The following RANGAP1 variants were observed in gnomAD, a reference collection of about 807,000 sequenced individuals.
RANGAP1 encodes the protein ran GTPase-activating protein 1.
RANGAP1 carries 38 observed loss-of-function variants against 63.5 expected under a neutral mutation model. That is an observed-to-expected ratio of 0.60 (90% CI 0.46 to 0.78). The LOEUF is 0.78. Ranked by LOEUF, RANGAP1 falls within the 30% of genes least tolerant of loss-of-function variation. The pLI is 0.00. For missense variants in RANGAP1, 630 were observed against 740.3 expected (o/e 0.85, Z 1.73); for synonymous variants, 329 against 310.5 (o/e 1.06, Z -0.63).
intron 13 of RANGAP1, 47 bp downstream of exon 13, chr22:41,250,960 A>G (rs2033402812): frequency 1.3e-6 from 2 of 1,485,766 alleles, no homozygotes; most frequent in African/African-American, 2.8e-5. Flanking sequence ...GGGGCCCACG[A>G]GCATCAAGGG....
chr22:41,264,133 G>A (rs1456570693), intron 5 of RANGAP1, among the ~76,000 whole-genome samples: 1 of 152,250 alleles, frequency 6.6e-6, no homozygotes, highest in African/African-American at 2.4e-5. Context: ...AGTTGGAAGA[G>A]AATAATACGG....
intron 15 of RANGAP1, among the ~76,000 whole-genome samples, chr22:41,247,001 T>A (rs1038700019): frequency 6.6e-6 from 1 of 152,192 alleles, no homozygotes; most frequent in Non-Finnish European, 1.5e-5. Context: ...TAGAGTCCAA[T>A]CTGGATCATA....
In RANGAP1 at chr22:41,244,996, T is replaced by C. The variant is rs1332947316; in HGVS notation, c.*1607A>G. Among the ~76,000 whole-genome samples, 2 of 152,204 alleles carry C rather than the reference T, an allele frequency of 1.3e-5. No homozygotes were observed. The highest frequency in any genetic ancestry group is 1.5e-5 in the Non-Finnish European group (1 of 68,046). On this transcript the variant is annotated 3_prime_UTR_variant, in exon 16 of 16. Coordinates refer to ENST00000356244, the MANE Select transcript of RANGAP1 (RefSeq NM_002883.4). ...TAGATGCCTCATCTAAATGGAATCATATTTGTCCTTTTGTGTCTGGCTTAT... is the reference window on the plus strand; with the variant it reads ...TAGATGCCTCATCTAAATGGAATCACATTTGTCCTTTTGTGTCTGGCTTAT...
intron 3 of RANGAP1, among the ~76,000 whole-genome samples, chr22:41,270,531 T>A (rs1402647511): frequency 6.6e-6 from 1 of 152,162 alleles, no homozygotes; most frequent in Non-Finnish European, 1.5e-5. Context: ...CACTGCAGCC[T>A]CGACCTCCCA....
intron 3 of RANGAP1, among the ~76,000 whole-genome samples, chr22:41,270,995 C>G (rs2034784206): frequency 6.6e-6 from 1 of 152,168 alleles, no homozygotes; most frequent in Non-Finnish European, 1.5e-5. Context: ...CCTGATTTAG[C>G]TGACTCCAGC....
chr22:41,299,818 C>T, the RANGAP1 span, among the ~76,000 whole-genome samples: 1 of 151,814 alleles, frequency 6.6e-6, no homozygotes, highest in Non-Finnish European at 1.5e-5. Flanking sequence ...GTGGCATGAT[C>T]CCGGCTCACT....
rs867663309 is a variant in RANGAP1, at chr22:41,266,195, C to G, written c.301-1352G>C. On this transcript the variant is annotated intron_variant, in intron 4 of 15. Transcript: ENST00000356244. Reference sequence around the variant, plus strand: ...CCAGCCTGGGAAACAGAGTGAGACTCCGCCTCAAAAAAAAAAAAAAAGCCT... The same window carrying G: ...CCAGCCTGGGAAACAGAGTGAGACTGCGCCTCAAAAAAAAAAAAAAAGCCT... Among the ~76,000 whole-genome samples, 14 of 137,932 alleles carry G rather than the reference C, an allele frequency of 1.0e-4. No individual in the cohort carries two copies. In the South Asian group the frequency reaches 1.8e-3, roughly 17 times the overall value. 90.5% of individuals were successfully genotyped at this position (137,932 alleles called of 152,430 possible).
upstream of RANGAP1, among the ~76,000 whole-genome samples, chr22:41,290,525 G>A (rs1236998066): frequency 6.6e-6 from 1 of 152,066 alleles, no homozygotes; most frequent in African/African-American, 2.4e-5. Context: ...CACCATTTCC[G>A]GCCTTCTAGG....
chr22:41,267,067 CG>C (rs1569193960), intron 4 of RANGAP1, among the ~76,000 whole-genome samples: 1 of 151,386 alleles, frequency 6.6e-6, no homozygotes, highest in African/African-American at 2.4e-5. Flanking sequence ...TTTAGTAAGA[CG>C]GGGTTTTGCC....
chr22:41,248,742 T>G (rs2033224813), intron 15 of RANGAP1, among the ~76,000 whole-genome samples: 1 of 152,174 alleles, frequency 6.6e-6, no homozygotes. Flanking sequence ...GCCTTGCCTC[T>G]CTTACTTGAC....
rs150706242 is a variant in RANGAP1 at position 41,258,006 on chromosome 22, C to T, written c.716G>A (p.Arg239Gln). The change falls in exon 7 of 16, where the codon CGG (arginine) becomes CAG (glutamine). Residue 239 changes from arginine (R) to glutamine (Q), a missense_variant. Arg to Gln is a conservative substitution (Grantham distance 43, BLOSUM62 1). Coordinates refer to ENST00000356244, the MANE Select transcript of RANGAP1 (RefSeq NM_002883.4). ...GGTGTTGTCATTCAGGTTGATGACC[C>T]GCAGCAGGGGGTTGACAGCGAAAGC... ...AQAFAVNPLL[R>Q]VINLNDNTFT... 2.6e-5 allele frequency: 42 copies of T among 1,613,222 alleles called. No individual in the cohort carries two copies. The highest frequency in any genetic ancestry group is 3.3e-4 in the Middle Eastern group (2 of 6,076).
chr22:41,256,773 C>G lies in RANGAP1; in HGVS notation c.826G>C (p.Val276Leu), dbSNP rs773762704. 1.9e-6 allele frequency: 3 copies of G among 1,614,004 alleles called. No homozygotes were observed. Among genetic ancestry groups the G allele is most frequent in the South Asian group, 1.1e-5 (1 of 91,092 alleles). ...VEVINFGDCL[V>L]RSKGAVAIAD... ...ATGGCAACTGCACCCTTGGAGCGCA[C>G]CAGGCAGTCCCCAAAATTAATCACC... is the stretch of plus-strand genomic sequence containing the variant. The change falls in exon 8 of 16, where the codon GTG becomes CTG. Residue 276 changes from valine to leucine, a missense_variant. This residue lies in a region of RANGAP1 where 428 missense variants were observed against 465.5 expected (regional missense o/e 0.92). Transcript: ENST00000356244.
intron 1 of RANGAP1, chr22:41,281,548 G>C: frequency 1.0e-6 from 1 of 988,994 alleles, no homozygotes; most frequent in Non-Finnish European, 1.2e-6. Context: ...TCATCCCAGA[G>C]AATGCCCCAC....
At chr22:41,258,608 C>G (rs901509507) in intron 6 of RANGAP1, among the ~76,000 whole-genome samples, 14 of 152,180 alleles carry the variant, frequency 9.2e-5, no homozygotes, top group Admixed American at 6.5e-4. Context: ...ACAGCCTGGC[C>G]TTTTGATACC....
intron 2 of RANGAP1, among the ~76,000 whole-genome samples, chr22:41,275,382 C>T (rs573506052): frequency 3.3e-5 from 5 of 151,856 alleles, no homozygotes; most frequent in Non-Finnish European, 7.4e-5. Context: ...ATCCCAGCTA[C>T]TCGGGAGGCT....
rs370593929 is a variant in RANGAP1 at position 41,266,017 on chromosome 22, A to T, written c.301-1174T>A. On this transcript the variant is annotated intron_variant, in intron 4 of 15. Coordinates refer to ENST00000356244, the MANE Select transcript of RANGAP1 (RefSeq NM_002883.4). The stretch of plus-strand genomic sequence containing the variant: ...GGAGATCGAGACCATCCTGGCTAAC[A>T]CAGTGAAACCCCATCTCTACTAAAA... Among the ~76,000 whole-genome samples the T allele has an allele frequency of 3.5e-4, 54 of 152,200 alleles. 1 individual carries two copies. Among genetic ancestry groups the T allele is most frequent in the East Asian group, 2.1e-3 (11 of 5,172 alleles).
chr22:41,284,440 GC>G (rs1314996928), intron 1 of RANGAP1, among the ~76,000 whole-genome samples: 2 of 151,928 alleles, frequency 1.3e-5, no homozygotes, highest in Non-Finnish European at 2.9e-5. Flanking sequence ...GGTGGCACAT[GC>G]CTGTAATCCC....
At chr22:41,267,595 A>T (rs2034556629) in intron 4 of RANGAP1, among the ~76,000 whole-genome samples, 1 of 152,174 alleles carries the variant, frequency 6.6e-6, no homozygotes, top group African/African-American at 2.4e-5. Flanking sequence ...ACTCGACCCA[A>T]GCCAGTCTGA....
chr22:41,285,282 G>C (rs1394199982), intron 1 of RANGAP1: 1 of 158,102 alleles, frequency 6.3e-6, no homozygotes, highest in African/African-American at 2.4e-5. Flanking sequence ...GATAGAATAG[G>C]GACAGAACTT....
Sources: allele counts gnomAD v4.1 joint callset (sites outside exome capture counted in the v4.1 genomes callset), GRCh38; gene constraint gnomAD v4.1.1; regional missense constraint gnomAD v4.1.1; transcripts MANE v1.5; gene names NCBI Gene and HGNC (gene_info 2026-07-23, HGNC 2026-07-21).